ADCY8: variants seen among roughly 807,000 people sequenced by gnomAD.
ADCY8 encodes the protein adenylate cyclase 8, also known as adenylate cyclase type 8.
A neutral mutation model predicts 119.7 loss-of-function variants in ADCY8; 51 were observed. The ratio of observed to expected loss-of-function variants is 0.43; its 90% confidence interval spans 0.34 to 0.54. The LOEUF (loss-of-function observed/expected upper bound fraction) is 0.54. Ranked by LOEUF, ADCY8 falls within the 20% of genes least tolerant of loss-of-function variation. The probability of loss-of-function intolerance (pLI) is 0.03; values close to 1 mark genes in which losing one functional copy is unlikely to be tolerated. For synonymous variants in ADCY8, 665 were observed against 651.0 expected, an observed-to-expected ratio of 1.02 and a Z score of -0.33; for missense variants, 1,383 against 1,598.8, an observed-to-expected ratio of 0.87 and a Z score of 2.30.
intron 3 of ADCY8, among the ~76,000 whole-genome samples, chr8:130,944,255 C>G (rs1032023518): frequency 6.6e-6 from 1 of 152,148 alleles, no homozygotes; most frequent in East Asian, 1.9e-4. Context: ...CTGGGATTGT[C>G]CATTTGGTTG....
intron 1 of ADCY8, among the ~76,000 whole-genome samples, chr8:131,011,837 C>A (rs925506419): frequency 1.3e-5 from 2 of 152,150 alleles, no homozygotes; most frequent in African/African-American, 2.4e-5. Flanking sequence ...TGCAGGAGCA[C>A]CCTGGTGAGG....
intron 9 of ADCY8, among the ~76,000 whole-genome samples, chr8:130,862,514 G>C (rs1817970390): frequency 6.6e-6 from 1 of 152,176 alleles, no homozygotes; most frequent in Admixed American, 6.5e-5. Flanking sequence ...CCAGGTTCAC[G>C]CCATTCTCCT....
At chr8:130,816,100 CT>C (rs1816331770) in intron 13 of ADCY8, among the ~76,000 whole-genome samples, 1 of 152,226 alleles carries the variant, frequency 6.6e-6, no homozygotes, top group South Asian at 2.1e-4. Flanking sequence ...AGCTTCTTTT[CT>C]TTTTAAAAAA....
At chr8:130,855,101 C>G (rs1487179951) in intron 9 of ADCY8, among the ~76,000 whole-genome samples, 1 of 123,182 alleles carries the variant, frequency 8.1e-6, no homozygotes, top group Non-Finnish European at 1.6e-5. Flanking sequence ...TAAGCACTGT[C>G]TCTCTCTCTC....
intron 7 of ADCY8, among the ~76,000 whole-genome samples, chr8:130,886,233 A>T (rs369063390): frequency 6.6e-6 from 1 of 152,176 alleles, no homozygotes; most frequent in Non-Finnish European, 1.5e-5. Flanking sequence ...AATAAAGAAT[A>T]GAGCTGCCTG....
chr8:130,962,021 A>T (rs7009501), intron 2 of ADCY8, among the ~76,000 whole-genome samples: 1 of 152,072 alleles, frequency 6.6e-6, no homozygotes, highest in Non-Finnish European at 1.5e-5. Flanking sequence ...GCCAACACTC[A>T]TTAGATCCTC....
At chr8:130,899,531 G>C (rs1009159389) in intron 7 of ADCY8, among the ~76,000 whole-genome samples, 10 of 152,040 alleles carry the variant, frequency 6.6e-5, no homozygotes, top group Admixed American at 5.2e-4. Context: ...GCTGGAACCC[G>C]GGAGGCGGAG....
chr8:130,903,855 C>G lies in ADCY8; in HGVS notation c.1828G>C (p.Asp610His), dbSNP rs1819689314. The G allele has an allele frequency of 1.2e-6, 2 of 1,614,008 alleles. No homozygotes were observed. Among genetic ancestry groups the G allele is most frequent in the Non-Finnish European group, 1.7e-6 (2 of 1,179,992 alleles). ...AATGTGGCCCCACTGTTTCTCCGGT[C>G]TGAGGAGCTCACTGACTCCTTGACG... The part of the protein sequence containing the change: ...DIVKESVSSS[D>H]RRNSGATFTE... Residue 610 changes from aspartate (D) to histidine (H), a missense_variant, in exon 7 of 18, where the codon GAC becomes CAC. This residue lies in a region of ADCY8 where 928 missense variants were observed against 1,163.5 expected (regional missense o/e 0.80). Transcript: ENST00000286355.
intron 9 of ADCY8, among the ~76,000 whole-genome samples, chr8:130,864,963 A>AT (rs1378698395): frequency 2.6e-5 from 4 of 152,018 alleles, no homozygotes; most frequent in African/African-American, 9.7e-5. Context: ...GTAAATAGAT[A>AT]TTTTCTGTGA....
chr8:130,900,238 T>C (rs182784425), intron 7 of ADCY8, among the ~76,000 whole-genome samples: 27 of 152,234 alleles, frequency 1.8e-4, no homozygotes, highest in African/African-American at 5.5e-4. Flanking sequence ...TGGATACAGA[T>C]ACAGGGGCAG....
intron 2 of ADCY8, among the ~76,000 whole-genome samples, chr8:130,973,116 A>G (rs1008613899): frequency 2.6e-5 from 4 of 152,226 alleles, no homozygotes; most frequent in African/African-American, 9.6e-5. Context: ...AGTATCTACA[A>G]TAAAATTCTC....
At chr8:130,873,404 C>T (rs1818438320) in intron 8 of ADCY8, among the ~76,000 whole-genome samples, 1 of 150,122 alleles carries the variant, frequency 6.7e-6, no homozygotes, top group Admixed American at 6.6e-5. Flanking sequence ...GCGCAACCTC[C>T]ACCTTGCAGG....
intron 7 of ADCY8, among the ~76,000 whole-genome samples, chr8:130,891,886 C>G (rs1400077343): frequency 6.6e-6 from 1 of 152,112 alleles, no homozygotes; most frequent in African/African-American, 2.4e-5. Context: ...ATTGTTGCAA[C>G]TTTTCTTGTC....
At chr8:130,796,703 A>G (rs1435002143) in intron 15 of ADCY8, among the ~76,000 whole-genome samples, 1 of 151,828 alleles carries the variant, frequency 6.6e-6, no homozygotes. Flanking sequence ...CCGCTTTTTT[A>G]TTTTTCCTGT....
At chr8:130,941,341 C>T (rs1316851392) in intron 4 of ADCY8, among the ~76,000 whole-genome samples, 1 of 152,136 alleles carries the variant, frequency 6.6e-6, no homozygotes, top group Non-Finnish European at 1.5e-5. Context: ...CTGGTTTTGT[C>T]TTTTCAGTCT....
chr8:130,857,499 C>A (rs982578052), intron 9 of ADCY8, among the ~76,000 whole-genome samples: 1 of 152,112 alleles, frequency 6.6e-6, no homozygotes, highest in Non-Finnish European at 1.5e-5. Flanking sequence ...TGCCTCTGAC[C>A]CGTAGCATTT....
At chr8:131,030,041 C>T (rs770167577) in intron 1 of ADCY8, among the ~76,000 whole-genome samples, 3 of 152,100 alleles carry the variant, frequency 2.0e-5, no homozygotes, top group Non-Finnish European at 4.4e-5. Flanking sequence ...GTCTGGTGGG[C>T]ATGTGAGAAC....
intron 13 of ADCY8, among the ~76,000 whole-genome samples, chr8:130,818,875 G>C (rs187458907): frequency 9.8e-5 from 15 of 152,324 alleles, no homozygotes; most frequent in Middle Eastern, 3.4e-3. Flanking sequence ...CCAGTCTGGC[G>C]TTTCTTACAG....
chr8:130,880,707 T>C (rs1818738329), intron 8 of ADCY8, among the ~76,000 whole-genome samples: 1 of 152,212 alleles, frequency 6.6e-6, no homozygotes, highest in Non-Finnish European at 1.5e-5. Flanking sequence ...AATTCTAACC[T>C]GGCTGAGGCC....
Sources: gnomAD v4.1 joint callset for allele counts (sites outside exome capture counted in the v4.1 genomes callset) on GRCh38, gnomAD v4.1.1 for gene constraint, gnomAD v4.1.1 regional missense constraint, MANE v1.5 for transcripts, NCBI Gene and HGNC (gene_info 2026-07-23, HGNC 2026-07-21) for gene names.